Variants in FHIT observed in about 807,000 individuals in gnomAD.
FHIT encodes bis(5'-adenosyl)-triphosphatase.
FHIT carries 19 observed loss-of-function variants against 17.9 expected under a neutral mutation model. The observed-to-expected ratio is 1.06, with a 90% CI of 0.74 to 1.56. FHIT has a LOEUF of 1.56. Ranked by LOEUF, FHIT falls within the 40% of genes most tolerant of loss-of-function variation. The pLI is 0.00. For missense variants in FHIT, 248 were observed against 189.2 expected (o/e 1.31, Z -1.82); for synonymous variants, 81 against 69.7 (o/e 1.16, Z -0.81).
chr3:60,620,896 G>T (rs1245628836), intron 4 of FHIT, among the ~76,000 whole-genome samples: 1 of 152,120 alleles, frequency 6.6e-6, no homozygotes, highest in Non-Finnish European at 1.5e-5. Context: ...TGGGGGAGTG[G>T]TGGGGCGTAG....
intron 5 of FHIT, among the ~76,000 whole-genome samples, chr3:60,047,782 C>A (rs1701711339): frequency 6.6e-6 from 1 of 152,208 alleles, no homozygotes; most frequent in Non-Finnish European, 1.5e-5. Flanking sequence ...CAGTGCCATA[C>A]TAAGAGTCCC....
intron 4 of FHIT, among the ~76,000 whole-genome samples, chr3:60,791,776 C>T (rs1700784991): frequency 6.6e-6 from 1 of 152,164 alleles, no homozygotes. Context: ...TGAATGAGAA[C>T]AGTCCAATCC....
At chr3:60,341,924 C>T (rs1710535289) in intron 5 of FHIT, among the ~76,000 whole-genome samples, 1 of 152,042 alleles carries the variant, frequency 6.6e-6, no homozygotes, top group South Asian at 2.1e-4. Context: ...GTTCTTGTCA[C>T]ATGACCAGCG....
chr3:61,174,177 G>A (rs1465090671), intron 2 of FHIT, among the ~76,000 whole-genome samples: 1 of 152,222 alleles, frequency 6.6e-6, no homozygotes, highest in East Asian at 1.9e-4. Flanking sequence ...TTTTACATAT[G>A]GCTATGCTTT....
At chr3:60,483,062 C>A (rs1439658075) in intron 5 of FHIT, among the ~76,000 whole-genome samples, 2 of 151,988 alleles carry the variant, frequency 1.3e-5, no homozygotes, top group East Asian at 3.9e-4. Flanking sequence ...TCTATGCAAA[C>A]AAACTAGAAA....
At chr3:60,914,631 T>C (rs1231239860) in intron 3 of FHIT, among the ~76,000 whole-genome samples, 1 of 152,212 alleles carries the variant, frequency 6.6e-6, no homozygotes, top group Non-Finnish European at 1.5e-5. Flanking sequence ...TCTTCAATGA[T>C]GATTATCAAT....
At chr3:60,874,549 T>C (rs1553755855) in intron 3 of FHIT, among the ~76,000 whole-genome samples, 1 of 152,192 alleles carries the variant, frequency 6.6e-6, no homozygotes, top group African/African-American at 2.4e-5. Context: ...TTATCTACTT[T>C]CTACTTCTAA....
At chr3:60,096,472 T>C (rs968410037) in intron 5 of FHIT, among the ~76,000 whole-genome samples, 2 of 152,184 alleles carry the variant, frequency 1.3e-5, no homozygotes, top group Non-Finnish European at 2.9e-5. Flanking sequence ...AAGTTCTCAC[T>C]CTGGGTCGCA....
intron 7 of FHIT, among the ~76,000 whole-genome samples, chr3:60,007,326 T>C (rs1699963726): frequency 6.6e-6 from 1 of 152,208 alleles, no homozygotes; most frequent in Non-Finnish European, 1.5e-5. Flanking sequence ...GAAATTTTAG[T>C]CTTCGTTAGT....
At chr3:60,570,759 T>C (rs1328038577) in intron 4 of FHIT, among the ~76,000 whole-genome samples, 1 of 114,828 alleles carries the variant, frequency 8.7e-6, no homozygotes, top group Non-Finnish European at 1.9e-5. Context: ...AAAAAAACTA[T>C]CTCAAGAGCC....
At chr3:60,209,908 G>C (rs1703370752) in intron 5 of FHIT, among the ~76,000 whole-genome samples, 1 of 152,054 alleles carries the variant, frequency 6.6e-6, no homozygotes, top group Non-Finnish European at 1.5e-5. Flanking sequence ...CACAGGGAGG[G>C]GAACAACACA....
intron 1 of FHIT, among the ~76,000 whole-genome samples, chr3:61,228,585 G>T (rs1475299389): frequency 6.6e-6 from 1 of 152,142 alleles, no homozygotes. Context: ...AATCTGCCTT[G>T]TATCAATTTA....
chr3:60,842,387 A>C (rs1702751303), intron 3 of FHIT, among the ~76,000 whole-genome samples: 1 of 151,654 alleles, frequency 6.6e-6, no homozygotes, highest in South Asian at 2.1e-4. Context: ...TTTCTAGCTT[A>C]GCCCAAATGA....
intron 4 of FHIT, among the ~76,000 whole-genome samples, chr3:60,629,507 C>G (rs1408397909): frequency 6.6e-6 from 1 of 152,212 alleles, no homozygotes; most frequent in South Asian, 2.1e-4. Context: ...CAAGAAACTT[C>G]TCTTTAAGCC....
At chr3:59,849,683 C>T (rs1701858981) in intron 8 of FHIT, among the ~76,000 whole-genome samples, 1 of 152,158 alleles carries the variant, frequency 6.6e-6, no homozygotes, top group African/African-American at 2.4e-5. Context: ...GAGGAAGGAG[C>T]TAGTTGTTTA....
chr3:60,688,192 T>G (rs373018493), intron 4 of FHIT, among the ~76,000 whole-genome samples: 2 of 152,294 alleles, frequency 1.3e-5, no homozygotes, highest in East Asian at 3.9e-4. Context: ...ACATTTATAT[T>G]TCCTCTTTTC....
At chr3:59,906,923 T>C (rs1178983613) in intron 8 of FHIT, among the ~76,000 whole-genome samples, 2 of 152,238 alleles carry the variant, frequency 1.3e-5, no homozygotes, top group African/African-American at 4.8e-5. Flanking sequence ...GTCAATACCC[T>C]TTCTGCTATG....
At chr3:60,480,446 C>T (rs1227029766) in intron 5 of FHIT, among the ~76,000 whole-genome samples, 1 of 152,186 alleles carries the variant, frequency 6.6e-6, no homozygotes, top group East Asian at 1.9e-4. Flanking sequence ...CTCATTCTAG[C>T]ATTAACACAA....
chr3:59,884,228 G>C (rs979951676), intron 8 of FHIT, among the ~76,000 whole-genome samples: 1 of 152,168 alleles, frequency 6.6e-6, no homozygotes, highest in African/African-American at 2.4e-5. Context: ...TGGCTATATA[G>C]AATCTATGAT....
Sources: gnomAD v4.1 joint callset for allele counts (sites outside exome capture counted in the v4.1 genomes callset) on GRCh38, gnomAD v4.1.1 for gene constraint, MANE v1.5 for transcripts, NCBI Gene and HGNC (gene_info 2026-07-23, HGNC 2026-07-21) for gene names.